Variants in CLOCK observed in about 807,000 individuals in gnomAD.
The protein encoded by CLOCK is circadian locomoter output cycles protein kaput.
CLOCK carries 43 observed loss-of-function variants against 118.4 expected under a neutral mutation model. The ratio of observed to expected loss-of-function variants is 0.36; its 90% CI spans 0.28 to 0.47. The LOEUF (loss-of-function observed/expected upper bound fraction) is 0.47. Among genes scored for constraint, CLOCK ranks in the 20% least tolerant of loss-of-function variants. CLOCK has a pLI of 1.00. For synonymous variants in CLOCK, 326 were observed against 339.2 expected (o/e 0.96, Z 0.43); for missense variants, 846 against 999.9 (o/e 0.85, Z 2.08).
At chr4:55,541,076 T>G (rs1187785354) in intron 1 of CLOCK, among the ~76,000 whole-genome samples, 1 of 152,212 alleles carries the variant, frequency 6.6e-6, no homozygotes, top group African/African-American at 2.4e-5. Context: ...TACATCTCTG[T>G]GAAATATCCA....
At chr4:55,459,412 G>C (rs1725163296) in intron 9 of CLOCK, 151 bp from the exon 10 acceptor site, 1 of 636,986 alleles carries the variant, frequency 1.6e-6, no homozygotes, top group Non-Finnish European at 2.8e-6. Flanking sequence ...CATAAAAGTA[G>C]AGCACCTTCA....
chr4:55,525,684 G>A (rs1730134306), intron 1 of CLOCK, among the ~76,000 whole-genome samples: 2 of 151,426 alleles, frequency 1.3e-5, no homozygotes, highest in African/African-American at 4.8e-5. Flanking sequence ...TGGCCAGGCT[G>A]GTCTCGAACT....
chr4:55,527,802 G>A (rs1730300471), intron 1 of CLOCK, among the ~76,000 whole-genome samples: 1 of 152,046 alleles, frequency 6.6e-6, no homozygotes. Context: ...CAGCACTTTG[G>A]GAGGCCTAAG....
At position 55,431,766 on chromosome 4, in the gene CLOCK, G is replaced by A. The variant is rs1722520107; in HGVS notation, c.*3649C>T. ...GCTATTTGCATTCCACTTTTAAAAA[G>A]TTTGCCTCAATGTAGTGGAAACATC... On this transcript the variant is annotated 3_prime_UTR_variant, in exon 23 of 23. Transcript: ENST00000513440. The A allele has an allele frequency of 1.3e-5, 2 of 152,176 alleles. No homozygotes were observed. The highest frequency in any genetic ancestry group is 2.9e-5 in the Non-Finnish European group (2 of 68,008). 9.4% of individuals were successfully genotyped at this position (152,176 alleles called of 1,614,324 possible). A position where few individuals can be genotyped will look rare whatever the true frequency, so the allele number is the denominator to read the frequency against.
intron 1 of CLOCK, among the ~76,000 whole-genome samples, chr4:55,534,671 C>G (rs1730767387): frequency 6.6e-6 from 1 of 152,134 alleles, no homozygotes; most frequent in Non-Finnish European, 1.5e-5. Flanking sequence ...TGTTCCCCAG[C>G]AGACAGAATA....
chr4:55,480,805 G>A (rs1389078171), intron 4 of CLOCK, among the ~76,000 whole-genome samples: 1 of 151,770 alleles, frequency 6.6e-6, no homozygotes, highest in African/African-American at 2.4e-5. Flanking sequence ...GCAGGAGAAT[G>A]GCGTGAACCC....
chr4:55,439,622 T>C (rs1010697210), intron 21 of CLOCK, among the ~76,000 whole-genome samples: 1 of 152,154 alleles, frequency 6.6e-6, no homozygotes, highest in African/African-American at 2.4e-5. Context: ...AAGACTCCAT[T>C]GACAGACGGA....
intron 1 of CLOCK, among the ~76,000 whole-genome samples, chr4:55,516,867 T>C (rs1302557772): frequency 1.3e-5 from 2 of 152,182 alleles, no homozygotes; most frequent in Non-Finnish European, 2.9e-5. Context: ...TTTTTAGTAG[T>C]TGCCCTGGAG....
chr4:55,435,431 T>C lies in CLOCK; in HGVS notation c.2525A>G (p.Lys842Arg). The C allele has an allele frequency of 6.2e-7, 1 of 1,613,978 alleles. No individual in the cohort carries two copies. The highest frequency in any genetic ancestry group is 8.5e-7 in the Non-Finnish European group (1 of 1,179,896). Residue 842 changes from lysine to arginine, a missense_variant, in exon 23 of 23, where the codon AAG (lysine) becomes AGG (arginine). Coordinates refer to ENST00000513440, the MANE Select transcript of CLOCK (RefSeq NM_004898.4). The part of the protein sequence containing the change: ...HRTDSLPDPS[K>R]VQPQ ...GCACGTGTGCTACTGTGGTTGAACC[T>C]TGGAAGGGTCGGGCAAGCTGTCAGT...
chr4:55,479,304 C>T (rs924572458), intron 5 of CLOCK, among the ~76,000 whole-genome samples: 5 of 151,986 alleles, frequency 3.3e-5, no homozygotes, highest in Admixed American at 6.6e-5. Context: ...TGAATAAAGA[C>T]GCTATTCTAT....
At chr4:55,459,031 G>T (rs768601258) in intron 10 of CLOCK, 21 bp from the exon 11 acceptor site, 2 of 1,578,950 alleles carry the variant, frequency 1.3e-6, no homozygotes. Flanking sequence ...AGGGAAATAT[G>T]TATCATCAGT....
rs184685156 is a variant in CLOCK at position 55,504,066 on chromosome 4, C to T, written c.-136+5846G>A. On this transcript the variant is annotated intron_variant, in intron 2 of 22. Coordinates refer to ENST00000513440, the MANE Select transcript of CLOCK (RefSeq NM_004898.4). ...TTGGGAGGCCAAGGCGGGCGGATCA[C>T]GAGGTCAGGAGATCGAGACCATCCT... is the stretch of plus-strand genomic sequence containing the variant. Among the ~76,000 whole-genome samples the T allele has an allele frequency of 1.4e-3, 203 of 146,332 alleles. 1 individual carries two copies. Among genetic ancestry groups the T allele is most frequent in the Non-Finnish European group, 2.5e-3 (170 of 66,992 alleles).
At chr4:55,527,360 T>A (rs1299835425) in intron 1 of CLOCK, among the ~76,000 whole-genome samples, 1 of 152,130 alleles carries the variant, frequency 6.6e-6, no homozygotes, top group Non-Finnish European at 1.5e-5. Context: ...GTTGTATATG[T>A]TTAAAACATC....
Position 55,435,187 on chromosome 4 carries a change from C to T in CLOCK, c.*228G>A. On this transcript the variant is annotated 3_prime_UTR_variant, in exon 23 of 23. Coordinates refer to ENST00000513440, the MANE Select transcript of CLOCK (RefSeq NM_004898.4). ...AAAAAATATCCAGGCACCTAAAACA[C>T]TGTCAGAACTGGCTATGCCCCTATG... 1.8e-6 allele frequency: 1 copy of T among 556,442 alleles called. No individual in the cohort carries two copies. Among genetic ancestry groups the T allele is most frequent in the East Asian group, 3.1e-5 (1 of 32,400 alleles). 34.5% of individuals were successfully genotyped at this position (556,442 alleles called of 1,614,324 possible). A position where few individuals can be genotyped will look rare whatever the true frequency, so the allele number is the denominator to read the frequency against.
chr4:55,497,182 C>T (rs1180911583), intron 2 of CLOCK, among the ~76,000 whole-genome samples: 1 of 152,138 alleles, frequency 6.6e-6, no homozygotes. Context: ...TAAGCTCTAG[C>T]AGAGAATGTT....
chr4:55,446,290 T>C (rs1476733970), intron 18 of CLOCK, among the ~76,000 whole-genome samples: 1 of 152,026 alleles, frequency 6.6e-6, no homozygotes. Context: ...GGTCTCACTA[T>C]GTTGCCTAGT....
intron 2 of CLOCK, among the ~76,000 whole-genome samples, chr4:55,502,843 A>G (rs534304598): frequency 2.0e-5 from 3 of 152,222 alleles, no homozygotes; most frequent in Non-Finnish European, 4.4e-5. Context: ...AGCAAAAGAC[A>G]TAACAGTCAT....
rs1722792878 is a variant in CLOCK at position 55,435,324 on chromosome 4, TG to T, written c.*90del. The T allele has an allele frequency of 2.0e-6, 3 of 1,484,698 alleles. No homozygotes were observed. In the Admixed American group the frequency reaches 5.1e-5, roughly 25 times the overall value. 92.0% of individuals were successfully genotyped at this position (1,484,698 alleles called of 1,614,324 possible). ...TCAATACTGCATCTCATGAAACTGC[TG>T]GAACTTTCCCTCCTTTCCTCAGGTC... is the stretch of plus-strand genomic sequence containing the variant. On this transcript the variant is annotated 3_prime_UTR_variant, in exon 23 of 23. Coordinates refer to ENST00000513440, the MANE Select transcript of CLOCK (RefSeq NM_004898.4).
rs1006292695 is a variant in CLOCK at position 55,430,027 on chromosome 4, G to A, written c.*5388C>T. ...AACCACACATTAAATACATGACACC[G>A]AAATCACTTTGATGAGAAAACAGAA... is the stretch of plus-strand genomic sequence containing the variant. On this transcript the variant is annotated 3_prime_UTR_variant, in exon 23 of 23. Coordinates refer to ENST00000513440, the MANE Select transcript of CLOCK (RefSeq NM_004898.4). 5.9e-5 allele frequency: 9 copies of A among 152,088 alleles called. No homozygotes were observed. Among genetic ancestry groups the A allele is most frequent in the Non-Finnish European group, 1.2e-4 (8 of 68,012 alleles). The allele number at this position is 152,088 out of a possible 1,614,324, so 9.4% of individuals were successfully genotyped here. A position where few individuals can be genotyped will look rare whatever the true frequency, so the allele number is the denominator to read the frequency against.
Sources: allele counts gnomAD v4.1 joint callset (sites outside exome capture counted in the v4.1 genomes callset), GRCh38; gene constraint gnomAD v4.1.1; transcripts MANE v1.5; gene names NCBI Gene and HGNC (gene_info 2026-07-23, HGNC 2026-07-21).